Variants in HDAC9 observed in about 807,000 individuals in gnomAD.
HDAC9 encodes histone deacetylase 9, also known as MEF-2 interacting transcription repressor (MITR) protein.
Under a neutral mutation model 139.4 loss-of-function variants are expected in HDAC9, and 41 were observed. That is an observed-to-expected ratio of 0.29 (90% CI 0.23 to 0.38). The LOEUF is 0.38. Among genes scored for constraint, HDAC9 ranks in the 10% least tolerant of loss-of-function variants. The pLI is 1.00. For missense variants in HDAC9, 1,147 were observed against 1,297.0 expected (o/e 0.88, Z 1.78); for synonymous variants, 517 against 476.2 (o/e 1.09, Z -1.12).
rs968947745 is a variant in HDAC9, at chr7:18,998,285, C to T, written c.*2223C>T. 5 of 151,678 alleles carry T rather than the reference C, an allele frequency of 3.3e-5. No homozygotes were observed. The highest frequency in any genetic ancestry group is 7.3e-5 in the African/African-American group (3 of 41,026). The allele number at this position is 151,678 out of a possible 1,614,324, so 9.4% of individuals were successfully genotyped here. A position where few individuals can be genotyped will look rare whatever the true frequency, so the allele number is the denominator to read the frequency against. On this transcript the variant is annotated 3_prime_UTR_variant, in exon 26 of 26. Coordinates refer to ENST00000686413, the MANE Select transcript of HDAC9 (RefSeq NM_178425.4). The stretch of plus-strand genomic sequence containing the variant: ...AGTGTAATGCAAACATGCTAATTTA[C>T]TAAAGTTTCCTACAACAGTTTAGCC...
intron 21 of HDAC9, among the ~76,000 whole-genome samples, chr7:18,869,012 A>G (rs1490481491): frequency 1.3e-5 from 2 of 152,090 alleles, no homozygotes; most frequent in African/African-American, 2.4e-5. Flanking sequence ...TAGCCTTTGA[A>G]TGTCCTTTAT....
At chr7:18,196,221 G>T (rs920615477) in intron 2 of HDAC9, among the ~76,000 whole-genome samples, 6 of 152,194 alleles carry the variant, frequency 3.9e-5, no homozygotes, top group African/African-American at 9.6e-5. Context: ...AGCCAGTGGG[G>T]TAAGATTGGA....
chr7:18,727,681 G>A lies in HDAC9; in HGVS notation c.1833G>A (p.Arg611=), dbSNP rs1177361700. 1 of 1,587,400 alleles carries A rather than the reference G, an allele frequency of 6.3e-7. No homozygotes were observed. Among genetic ancestry groups the A allele is most frequent in the African/African-American group, 1.4e-5 (1 of 73,116 alleles). ...DGLEKHRLVS[R]THSSPAASVL... ...TAGAGAAACACCGTCTCGTCTCCAG[G>A]ACTCACTCTTCCCCTGCTGCCTCTG... Residue 611 remains arginine (R), a synonymous_variant, in exon 13 of 26, where the codon AGG becomes AGA. Coordinates refer to ENST00000686413, the MANE Select transcript of HDAC9 (RefSeq NM_178425.4).
intron 22 of HDAC9, among the ~76,000 whole-genome samples, chr7:18,932,506 G>A (rs1804832318): frequency 6.6e-6 from 1 of 152,002 alleles, no homozygotes; most frequent in Non-Finnish European, 1.5e-5. Flanking sequence ...GACTACCCTG[G>A]GGGCATCTAT....
At chr7:18,163,600 A>G (rs76649073) in intron 2 of HDAC9, among the ~76,000 whole-genome samples, 6,493 of 152,074 alleles carry the variant, frequency 0.043, 184 homozygotes, top group Non-Finnish European at 0.059. Flanking sequence ...TCTTCTGCCC[A>G]TTTCTCACCC....
chr7:18,513,175 A>C (rs1297479893), intron 2 of HDAC9, among the ~76,000 whole-genome samples: 1 of 152,186 alleles, frequency 6.6e-6, no homozygotes, highest in East Asian at 1.9e-4. Flanking sequence ...TGCAAAGCCT[A>C]TGTATTGTAT....
At chr7:18,268,279 T>C (rs1280338977) in intron 2 of HDAC9, among the ~76,000 whole-genome samples, 1 of 152,146 alleles carries the variant, frequency 6.6e-6, no homozygotes, top group African/African-American at 2.4e-5. Context: ...TTGACACACA[T>C]ACAGTCGATA....
chr7:18,404,210 T>C (rs2128737230), intron 1 of HDAC9, among the ~76,000 whole-genome samples: 1 of 152,352 alleles, frequency 6.6e-6, no homozygotes, highest in African/African-American at 2.4e-5. Context: ...ATATTCATAT[T>C]TAATATCTAG....
chr7:18,464,528 C>A (rs764524815), intron 1 of HDAC9, among the ~76,000 whole-genome samples: 10 of 151,910 alleles, frequency 6.6e-5, no homozygotes, highest in Non-Finnish European at 1.0e-4. Context: ...TCTTCACATG[C>A]CTAGTCATTT....
chr7:18,208,434 A>C (rs1040403250), intron 2 of HDAC9, among the ~76,000 whole-genome samples: 1 of 144,872 alleles, frequency 6.9e-6, no homozygotes, highest in African/African-American at 2.6e-5. Context: ...GTACAGTGGC[A>C]TGAACAAGGC....
At chr7:18,394,379 G>T (rs1786830385) in intron 1 of HDAC9, among the ~76,000 whole-genome samples, 1 of 152,082 alleles carries the variant, frequency 6.6e-6, no homozygotes, top group Admixed American at 6.6e-5. Context: ...TAGAGATATT[G>T]CTCAGCATCA....
chr7:18,539,577 G>A (rs983472386), intron 2 of HDAC9, among the ~76,000 whole-genome samples: 2 of 152,108 alleles, frequency 1.3e-5, no homozygotes, highest in Non-Finnish European at 2.9e-5. Context: ...TATCTAAGAT[G>A]GTAACATGGA....
At chr7:18,623,204 A>C (rs1840711931) in intron 6 of HDAC9, among the ~76,000 whole-genome samples, 1 of 152,112 alleles carries the variant, frequency 6.6e-6, no homozygotes, top group African/African-American at 2.4e-5. Flanking sequence ...GTCCTTCTTA[A>C]GTGGATGATG....
chr7:18,204,538 A>G (rs1446071112), intron 2 of HDAC9, among the ~76,000 whole-genome samples: 1 of 151,892 alleles, frequency 6.6e-6, no homozygotes, highest in South Asian at 2.1e-4. Context: ...ACTTTTTGAG[A>G]CCCTGAACAG....
At chr7:18,916,025 A>G (rs941397224) in intron 22 of HDAC9, among the ~76,000 whole-genome samples, 9 of 33,176 alleles carry the variant, frequency 2.7e-4, no homozygotes, top group African/African-American at 1.7e-3. Flanking sequence ...CCCGCTGGAA[A>G]AAAAAAAAAA....
At chr7:18,124,626 A>G (rs938842551) in intron 1 of HDAC9, among the ~76,000 whole-genome samples, 2 of 152,054 alleles carry the variant, frequency 1.3e-5, no homozygotes, top group African/African-American at 4.8e-5. Context: ...AGGCCTTCTA[A>G]TACCGTCAAC....
intron 1 of HDAC9, among the ~76,000 whole-genome samples, chr7:18,311,437 G>A (rs1276325600): frequency 1.3e-5 from 2 of 151,874 alleles, no homozygotes; most frequent in African/African-American, 4.8e-5. Context: ...TAAAAGTCCA[G>A]TTGAGATTCA....
intron 2 of HDAC9, among the ~76,000 whole-genome samples, chr7:18,269,723 T>C (rs1033971347): frequency 5.9e-5 from 9 of 151,968 alleles, no homozygotes; most frequent in Admixed American, 1.3e-4. Flanking sequence ...CCTTGTCTAA[T>C]ACACATATAT....
intron 2 of HDAC9, among the ~76,000 whole-genome samples, chr7:18,560,166 C>T (rs968693379): frequency 4.6e-5 from 7 of 152,076 alleles, no homozygotes; most frequent in Admixed American, 1.3e-4. Flanking sequence ...AATAATTGGG[C>T]TCAGACTGAT....
Sources: gnomAD v4.1 joint callset for allele counts (sites outside exome capture counted in the v4.1 genomes callset) on GRCh38, gnomAD v4.1.1 for gene constraint, MANE v1.5 for transcripts, NCBI Gene and HGNC (gene_info 2026-07-23, HGNC 2026-07-21) for gene names.